The following DBR1 variants were observed in gnomAD, a reference collection of about 807,000 sequenced individuals.
DBR1 encodes the protein lariat debranching enzyme.
Under a neutral mutation model 45.9 loss-of-function variants are expected in DBR1, and 33 were observed. The observed-to-expected ratio is 0.72, with a 90% CI of 0.55 to 0.96. DBR1 has a LOEUF of 0.96. Among genes scored for constraint, DBR1 ranks in the 40% least tolerant of loss-of-function variants. The pLI, the probability that DBR1 is intolerant of heterozygous loss-of-function variation, is 0.00. For synonymous variants in DBR1, 235 were observed against 235.9 expected, an observed-to-expected ratio of 1.00 and a Z score of 0.04; for missense variants, 619 against 667.4, an observed-to-expected ratio of 0.93 and a Z score of 0.80.
chr3:138,173,983 T>C (rs2042966949), intron 1 of DBR1, among the ~76,000 whole-genome samples: 1 of 144,912 alleles, frequency 6.9e-6, no homozygotes, highest in Admixed American at 7.1e-5. Context: ...ATCGCGGTAC[T>C]GCACTCCAGC....
chr3:138,164,084 G>T, intron 5 of DBR1: 1 of 352,260 alleles, frequency 2.8e-6, no homozygotes, highest in Non-Finnish European at 5.2e-6. Context: ...AAAATTCAAG[G>T]CAAAAACTAA....
rs778365743 is a variant in DBR1, at chr3:138,170,171, T to C, written c.425A>G (p.Tyr142Cys). The change falls in exon 4 of 8, where the codon TAT (tyrosine) becomes TGT (cysteine). Residue 142 changes from tyrosine (Y) to cysteine (C), a missense_variant. This residue lies in a region of DBR1 where 430 missense variants were observed against 447.7 expected (regional missense o/e 0.96). Coordinates refer to ENST00000260803, the MANE Select transcript of DBR1 (RefSeq NM_016216.4). ...YRKGHFECPP[Y>C]NSSTIRSIYH... is the part of the protein sequence containing the mutation. Reference sequence around the variant, plus strand: ...TATACTCCTGATTGTAGATGAATTATAAGGGGGGCACTCAAAATGACCTTA... The same window carrying C: ...TATACTCCTGATTGTAGATGAATTACAAGGGGGGCACTCAAAATGACCTTA... 2 of 1,595,464 alleles carry C rather than the reference T, an allele frequency of 1.3e-6. No individual in the cohort carries two copies. Among genetic ancestry groups the C allele is most frequent in the Non-Finnish European group, 1.7e-6 (2 of 1,169,380 alleles).
At chr3:138,171,502 C>CAAAAAAAAAAAAAAAAAAAAAAAAAAA (rs2042954743) in intron 3 of DBR1, 131 bp downstream of exon 3, 4 of 188,996 alleles carry the variant, frequency 2.1e-5, no homozygotes, top group Non-Finnish European at 1.0e-5. Flanking sequence ...AAAAAAAAAG[C>CAAAAAAAAAAAAAAAAAAAAAAAAAAA]AAAATACTAA....
Position 138,162,412 on chromosome 3 carries a change from C to A in DBR1, c.1112G>T (p.Cys371Phe), listed in dbSNP as rs754271435. The change falls in exon 8 of 8, where the codon TGT becomes TTT. Residue 371 changes from cysteine (C) to phenylalanine (F), a missense_variant. This residue lies in a region of DBR1 where 7 missense variants were observed against 23.6 expected (regional missense o/e 0.30). Coordinates refer to ENST00000260803, the MANE Select transcript of DBR1 (RefSeq NM_016216.4). ...GATGTCTATGATGCCAAGTTGGGCACAAAATTCAGTTGTCTGAGGATTGAT... is the reference window on the plus strand; with the variant it reads ...GATGTCTATGATGCCAAGTTGGGCAAAAAATTCAGTTGTCTGAGGATTGAT... ...HRINPQTTEF[C>F]AQLGIIDINV... 5.6e-6 allele frequency: 9 copies of A among 1,614,006 alleles called. No homozygotes were observed.
Position 138,167,112 on chromosome 3 carries a change from T to C in DBR1, c.683A>G (p.His228Arg). 1.9e-6 allele frequency: 3 copies of C among 1,614,214 alleles called. No individual in the cohort carries two copies. In the South Asian group the frequency reaches 3.3e-5, roughly 18 times the overall value. ...KPTYWFSAHL[H>R]VKFAALMQHQ... ...CTGCATCAAGGCGGCAAACTTCACATGAAGGTGGGCAGAAAACCAATAAGT... is the reference window on the plus strand; with the variant it reads ...CTGCATCAAGGCGGCAAACTTCACACGAAGGTGGGCAGAAAACCAATAAGT... The change falls in exon 5 of 8, where the codon CAT becomes CGT. Residue 228 changes from histidine (H) to arginine (R), a missense_variant. Physicochemically the swap from His to Arg is conservative, Grantham distance 29. This residue lies in a region of DBR1 where 430 missense variants were observed against 447.7 expected (regional missense o/e 0.96). Transcript: ENST00000260803.
chr3:138,173,055 C>T (rs2042962280), intron 2 of DBR1, among the ~76,000 whole-genome samples: 1 of 144,862 alleles, frequency 6.9e-6, no homozygotes, highest in South Asian at 2.2e-4. Context: ...AACGGTTGGA[C>T]TTGCTTTAAA....
intron 5 of DBR1, among the ~76,000 whole-genome samples, chr3:138,166,145 AT>A (rs2042929665): frequency 6.6e-6 from 1 of 152,200 alleles, no homozygotes; most frequent in South Asian, 2.1e-4. Flanking sequence ...AATTCTCTAC[AT>A]GTCTCCAAGA....
chr3:138,170,747 T>G (rs571171713), intron 3 of DBR1, among the ~76,000 whole-genome samples: 2 of 152,342 alleles, frequency 1.3e-5, no homozygotes, highest in South Asian at 4.1e-4. Context: ...TTCATGAAAT[T>G]TGTGAAATCG....
rs148771945 is a variant in DBR1 at position 138,166,394 on chromosome 3, C to T, written c.714+687G>A. ...TTCTTTCCTCCCTCAGTCACCAAAT[C>T]GCAATGATTCTCCTTCTAAAATCTC... On this transcript the variant is annotated intron_variant, in intron 5 of 7. Coordinates refer to ENST00000260803, the MANE Select transcript of DBR1 (RefSeq NM_016216.4). Among the ~76,000 whole-genome samples the T allele has an allele frequency of 3.1e-4, 47 of 152,264 alleles. No homozygotes were observed. In the East Asian group the frequency reaches 8.7e-3, roughly 28 times the overall value.
At chr3:138,168,254 A>G (rs1322406615) in intron 4 of DBR1, among the ~76,000 whole-genome samples, 1 of 152,194 alleles carries the variant, frequency 6.6e-6, no homozygotes, top group Non-Finnish European at 1.5e-5. Context: ...ACAGTGGCTC[A>G]CGCCTGTAAT....
chr3:138,161,692 A>G lies in DBR1; in HGVS notation c.*197T>C. The stretch of plus-strand genomic sequence containing the variant: ...GAAACCCTGTCATTACTAAAAATGC[A>G]AAAATTAGCCGGGTGTGGTGGCGGG... On this transcript the variant is annotated 3_prime_UTR_variant, in exon 8 of 8. Coordinates refer to ENST00000260803, the MANE Select transcript of DBR1 (RefSeq NM_016216.4). The G allele has an allele frequency of 1.9e-6, 1 of 513,588 alleles. No individual in the cohort carries two copies. The highest frequency in any genetic ancestry group is 3.5e-6 in the Non-Finnish European group (1 of 284,484). The allele number at this position is 513,588 out of a possible 1,614,324, so 31.8% of individuals were successfully genotyped here.
rs1237994985 is a variant in DBR1 at position 138,174,758 on chromosome 3, A to C, written c.38T>G (p.Leu13Arg). 2 of 1,612,204 alleles carry C rather than the reference A, an allele frequency of 1.2e-6. No homozygotes were observed. Among genetic ancestry groups the C allele is most frequent in the East Asian group, 2.2e-5 (1 of 44,862 alleles). The change falls in exon 1 of 8, where the codon CTG becomes CGG. Residue 13 changes from leucine (L) to arginine (R), a missense_variant. Coordinates refer to ENST00000260803, the MANE Select transcript of DBR1 (RefSeq NM_016216.4). Reference protein sequence around the residue: ...VAVAGCCHGELDKIYETLALA... With the variant: ...VAVAGCCHGERDKIYETLALA... Reference sequence around the variant, plus strand: ...CGCCAGCGTCTCATAGATCTTATCCAGCTCGCCGTGGCAGCAGCCAGCCAC... The same window carrying C: ...CGCCAGCGTCTCATAGATCTTATCCCGCTCGCCGTGGCAGCAGCCAGCCAC...
In DBR1 at chr3:138,173,593, G is replaced by A; in HGVS notation, c.231C>T (p.Leu77=). The change falls in exon 2 of 8, where the codon CTC becomes CTT. Residue 77 remains leucine, a synonymous_variant. Coordinates refer to ENST00000260803, the MANE Select transcript of DBR1 (RefSeq NM_016216.4). ...YYSGEKKAPV[L]TLFIGGNHEA... Reference sequence around the variant, plus strand: ...CATGGTTTCCCCCAATGAAGAGCGTGAGAACTGGAGCCTTTTTCTCTCCAG... The same window carrying A: ...CATGGTTTCCCCCAATGAAGAGCGTAAGAACTGGAGCCTTTTTCTCTCCAG... 2 of 1,613,524 alleles carry A rather than the reference G, an allele frequency of 1.2e-6. No individual in the cohort carries two copies.
intron 7 of DBR1, among the ~76,000 whole-genome samples, chr3:138,162,805 A>C (rs998150278): frequency 2.6e-5 from 4 of 152,232 alleles, no homozygotes; most frequent in African/African-American, 7.2e-5. Context: ...TAATGTGTGG[A>C]CTATATCTTC....
chr3:138,172,676 C>A (rs908901628), intron 2 of DBR1, among the ~76,000 whole-genome samples: 7 of 152,144 alleles, frequency 4.6e-5, no homozygotes, highest in African/African-American at 1.7e-4. Flanking sequence ...AATCTAAAAG[C>A]AGATTATAGG....
At chr3:138,164,415 A>C (rs1347571648) in intron 5 of DBR1, among the ~76,000 whole-genome samples, 1 of 152,232 alleles carries the variant, frequency 6.6e-6, no homozygotes, top group Non-Finnish European at 1.5e-5. Flanking sequence ...CAAAGACTAT[A>C]TATTTTACGA....
chr3:138,169,342 T>C (rs1184438548), intron 4 of DBR1, among the ~76,000 whole-genome samples: 5 of 152,144 alleles, frequency 3.3e-5, no homozygotes, highest in African/African-American at 1.2e-4. Flanking sequence ...ATGTAATGGG[T>C]TCTCAAACAA....
In DBR1 at chr3:138,170,151, T is replaced by A; in HGVS notation, c.445A>T (p.Ser149Cys). The A allele has an allele frequency of 3.7e-6, 6 of 1,600,300 alleles. No individual in the cohort carries two copies. Among genetic ancestry groups the A allele is most frequent in the Non-Finnish European group, 5.1e-6 (6 of 1,171,538 alleles). Residue 149 changes from serine (S) to cysteine (C), a missense_variant, in exon 4 of 8, where the codon AGT becomes TGT. Ser to Cys is a moderately radical substitution (Grantham distance 112, BLOSUM62 -1). Around this residue, in one of 3 missense-constraint regions of DBR1, gnomAD observed 430 missense variants for 447.7 expected, o/e 0.96. Transcript: ENST00000260803. ...CPPYNSSTIR[S>C]IYHVRNIEVY... ...TCAATATTTCTCACATGATATATAC[T>A]CCTGATTGTAGATGAATTATAAGGG...
At position 138,161,592 on chromosome 3, in the gene DBR1, T is replaced by C. The variant is rs533163832; in HGVS notation, c.*297A>G. On this transcript the variant is annotated 3_prime_UTR_variant, in exon 8 of 8. Coordinates refer to ENST00000260803, the MANE Select transcript of DBR1 (RefSeq NM_016216.4). The stretch of plus-strand genomic sequence containing the variant: ...CAGGCACAGTGGCTCACGCCTGTAA[T>C]CCCAGCACTTTAGAAGGCCAAGACA... 9.6e-4 allele frequency: 289 copies of C among 299,746 alleles called. No individual in the cohort carries two copies. The highest frequency in any genetic ancestry group is 1.7e-3 in the Non-Finnish European group (262 of 157,422). The allele number at this position is 299,746 out of a possible 1,614,324, so 18.6% of individuals were successfully genotyped here. A position where few individuals can be genotyped will look rare whatever the true frequency, so the allele number is the denominator to read the frequency against.
Sources: gnomAD v4.1 joint callset for allele counts (sites outside exome capture counted in the v4.1 genomes callset) on GRCh38, gnomAD v4.1.1 for gene constraint, gnomAD v4.1.1 regional missense constraint, MANE v1.5 for transcripts, NCBI Gene and HGNC (gene_info 2026-07-23, HGNC 2026-07-21) for gene names.